The following FANCI variants were observed in gnomAD, a reference collection of about 807,000 sequenced individuals.
FANCI encodes the protein Fanconi anemia group I protein.
Under a neutral mutation model 176.1 loss-of-function variants are expected in FANCI, and 156 were observed. The observed-to-expected ratio is 0.89, with a 90% CI of 0.78 to 1.01. FANCI has a LOEUF of 1.01. Among genes scored for constraint, FANCI ranks in the 50% least tolerant of loss-of-function variants. The probability of loss-of-function intolerance (pLI) is 0.00; values close to 1 mark genes in which losing one functional copy is unlikely to be tolerated. For synonymous variants in FANCI, 613 were observed against 541.7 expected, an observed-to-expected ratio of 1.13 and a Z score of -1.83; for missense variants, 1,678 against 1,534.1, an observed-to-expected ratio of 1.09 and a Z score of -1.57.
intron 2 of FANCI, among the ~76,000 whole-genome samples, chr15:89,250,597 T>C (rs1275920731): frequency 1.3e-5 from 2 of 150,548 alleles, no homozygotes; most frequent in Non-Finnish European, 3.0e-5. Context: ...CTAATGTAAA[T>C]GACGAGTTAA....
intron 10 of FANCI, among the ~76,000 whole-genome samples, chr15:89,269,601 G>T (rs1278334203): frequency 6.6e-6 from 1 of 152,140 alleles, no homozygotes; most frequent in African/African-American, 2.4e-5. Flanking sequence ...TACTTCGTAA[G>T]TGATGTGTAC....
intron 2 of FANCI, among the ~76,000 whole-genome samples, chr15:89,256,718 G>A (rs1481074134): frequency 1.3e-5 from 2 of 152,180 alleles, no homozygotes; most frequent in African/African-American, 4.8e-5. Flanking sequence ...ATATCTCAGA[G>A]TAGTGGTTCT....
intron 10 of FANCI, among the ~76,000 whole-genome samples, chr15:89,271,784 T>C (rs2053209114): frequency 6.6e-6 from 1 of 152,224 alleles, no homozygotes; most frequent in Non-Finnish European, 1.5e-5. Context: ...CATATCAGGC[T>C]CATTTCTTTT....
chr15:89,282,023 C>A, intron 16 of FANCI, 188 bp downstream of exon 16: 1 of 595,560 alleles, frequency 1.7e-6, no homozygotes, highest in South Asian at 1.9e-5. Context: ...GTCTTCAGAG[C>A]AACCCTATGA....
At chr15:89,261,953 T>C (rs2052727835) in intron 6 of FANCI, 75 bp downstream of exon 6, 1 of 1,365,488 alleles carries the variant, frequency 7.3e-7, no homozygotes, top group Non-Finnish European at 1.0e-6. Context: ...TTCAGGAATT[T>C]ATGTCTGGAG....
At chr15:89,273,857 A>G (rs895773645) in intron 11 of FANCI, among the ~76,000 whole-genome samples, 3 of 152,130 alleles carry the variant, frequency 2.0e-5, no homozygotes, top group Admixed American at 6.5e-5. Flanking sequence ...TTTTTCTTAT[A>G]TGTGTTCCAG....
Position 89,293,851 on chromosome 15 carries a change from C to G in FANCI, c.2310C>G (p.Asp770Glu), listed in dbSNP as rs1169269440. Residue 770 changes from aspartate (D) to glutamate (E), a missense_variant, in exon 23 of 38, where the codon GAC (aspartate) becomes GAG (glutamate). This residue lies in a region of FANCI where 1,204 missense variants were observed against 1,077.4 expected (regional missense o/e 1.12). Transcript: ENST00000310775. ...TTTACAGTAAGAATAGGTTTGAGGA[C>G]ATTCTGAGCTTATTTATGTGTTACA... ...ISSFSKNRFE[D>E]ILSLFMCYKK... 6.2e-7 allele frequency: 1 copy of G among 1,613,874 alleles called. No individual in the cohort carries two copies.
In FANCI at chr15:89,299,778, A is replaced by G. The variant is rs201641368; in HGVS notation, c.2637-22A>G. 2.5e-5 allele frequency: 41 copies of G among 1,611,748 alleles called. No individual in the cohort carries two copies. The African/African-American group carries it at 3.7e-4, about 15-fold the overall frequency. ...CTCGGTGAACCTGTCTTTAAAAACA[A>G]TACCACTTTCTCCTGCTTCAGAGTC... is the stretch of plus-strand genomic sequence containing the variant. On this transcript the variant is annotated intron_variant, in intron 24 of 37. Coordinates refer to ENST00000310775, the MANE Select transcript of FANCI (RefSeq NM_001113378.2).
intron 14 of FANCI, among the ~76,000 whole-genome samples, chr15:89,280,017 C>T (rs2053557243): frequency 6.6e-6 from 1 of 152,004 alleles, no homozygotes; most frequent in Non-Finnish European, 1.5e-5. Context: ...AAATTGTCAG[C>T]TCTTTTTGTT....
At chr15:89,251,698 C>T (rs2052258923) in intron 2 of FANCI, among the ~76,000 whole-genome samples, 1 of 152,126 alleles carries the variant, frequency 6.6e-6, no homozygotes, top group Non-Finnish European at 1.5e-5. Context: ...AAGGTTGGTT[C>T]AGTATTTGAA....
chr15:89,279,265 C>G (rs2053525658), intron 14 of FANCI, among the ~76,000 whole-genome samples: 1 of 152,170 alleles, frequency 6.6e-6, no homozygotes, highest in Non-Finnish European at 1.5e-5. Flanking sequence ...TCACGCAGTT[C>G]TCGTGTCTCA....
At position 89,314,611 on chromosome 15, in the gene FANCI, G is replaced by A. The variant is rs1173483373; in HGVS notation, c.3721-1G>A. ...TTAAGTCTTATGTTCTTTGCCCTTAGGCCAGAGTTCTTCGGGAAACCAAGC... is the reference window on the plus strand; with the variant it reads ...TTAAGTCTTATGTTCTTTGCCCTTAAGCCAGAGTTCTTCGGGAAACCAAGC... On this transcript the variant is annotated splice_acceptor_variant, in intron 35 of 37. Transcript: ENST00000310775. LOFTEE classifies it high-confidence loss of function. 1 of 1,612,650 alleles carries A rather than the reference G, an allele frequency of 6.2e-7. No homozygotes were observed. The highest frequency in any genetic ancestry group is 1.1e-5 in the South Asian group (1 of 91,048).
At position 89,306,065 on chromosome 15, in the gene FANCI, GCA is replaced by G. The variant is rs2054706048; in HGVS notation, c.3409_3410del (p.Gln1137ThrfsTer82). On this transcript the variant is annotated frameshift_variant, in exon 32 of 38. Transcript: ENST00000310775. LOFTEE classifies it high-confidence loss of function. Reference protein sequence around the residue: ...NQPVEKAIIMQLGTLLTFFHE... With the variant: ...NQPVEKAIIMXLGTLLTFFHE... ...AGCCTGTTGAGAAAGCTATCATCATGCAACTGGGAACTCTGCTTACATTTTTC... is the reference window on the plus strand; with the variant it reads ...AGCCTGTTGAGAAAGCTATCATCATGACTGGGAACTCTGCTTACATTTTTC... 2 of 1,614,184 alleles carry G rather than the reference GCA, an allele frequency of 1.2e-6. No homozygotes were observed. The highest frequency in any genetic ancestry group is 4.5e-5 in the East Asian group (2 of 44,880).
chr15:89,304,688 C>A (rs1372825722), intron 28 of FANCI, among the ~76,000 whole-genome samples: 2 of 152,146 alleles, frequency 1.3e-5, no homozygotes, highest in African/African-American at 4.8e-5. Flanking sequence ...GTGCCTGAGA[C>A]ACGACAAGCT....
At chr15:89,293,775 AAGT>A in intron 22 of FANCI, 55 bp from the exon 23 acceptor site, 1 of 1,526,608 alleles carries the variant, frequency 6.6e-7, no homozygotes, top group African/African-American at 1.4e-5. Flanking sequence ...TCATATGTAA[AAGT>A]AAACCACAAT....
At chr15:89,313,030 G>A in intron 35 of FANCI, 58 bp downstream of exon 35, 1 of 1,503,036 alleles carries the variant, frequency 6.7e-7, no homozygotes, top group Non-Finnish European at 9.3e-7. Flanking sequence ...AAAACATGAA[G>A]CGGAAGAAGC....
intron 12 of FANCI, among the ~76,000 whole-genome samples, chr15:89,276,324 C>T (rs1012586433): frequency 6.6e-6 from 1 of 152,220 alleles, no homozygotes; most frequent in Non-Finnish European, 1.5e-5. Context: ...TATGACCTCT[C>T]TCCTAGAGAA....
At chr15:89,272,020 A>G (rs1378106054) in intron 10 of FANCI, among the ~76,000 whole-genome samples, 1 of 152,198 alleles carries the variant, frequency 6.6e-6, no homozygotes, top group Non-Finnish European at 1.5e-5. Context: ...TATTTTTAAG[A>G]AACTGCCTGT....
At chr15:89,300,088 ACATCT>A (rs2054471835) in intron 25 of FANCI, 122 bp downstream of exon 25, 1 of 1,182,898 alleles carries the variant, frequency 8.5e-7, no homozygotes, top group Admixed American at 1.7e-5. Flanking sequence ...CTAAGGAGTG[ACATCT>A]AGTGGATTCA....
Sources: allele counts gnomAD v4.1 joint callset (sites outside exome capture counted in the v4.1 genomes callset), GRCh38; gene constraint gnomAD v4.1.1; regional missense constraint gnomAD v4.1.1; transcripts MANE v1.5; gene names NCBI Gene and HGNC (gene_info 2026-07-23, HGNC 2026-07-21).